Variants in TCEA1 observed in about 807,000 individuals in gnomAD.
TCEA1 encodes the protein transcription elongation factor A1.
In TCEA1, 21 loss-of-function variants were observed where a neutral mutation model predicts 43.8. That is an observed-to-expected ratio of 0.48 (90% CI 0.34 to 0.69). The LOEUF (loss-of-function observed/expected upper bound fraction) is 0.69, where lower values mean the gene tolerates loss of function less well. Ranked by LOEUF, TCEA1 falls within the 30% of genes least tolerant of loss-of-function variation. The pLI, the probability that TCEA1 is intolerant of heterozygous loss-of-function variation, is 0.01. For synonymous variants in TCEA1, 104 were observed against 117.5 expected (o/e 0.88, Z 0.75); for missense variants, 250 against 365.1 (o/e 0.68, Z 2.57).
chr8:53,968,802 G>A (rs1489904834), intron 9 of TCEA1, among the ~76,000 whole-genome samples: 1 of 152,040 alleles, frequency 6.6e-6, no homozygotes, highest in Non-Finnish European at 1.5e-5. Flanking sequence ...CAACAAAAAA[G>A]ATCCATCATG....
intron 2 of TCEA1, among the ~76,000 whole-genome samples, chr8:54,007,842 T>C (rs545808125): frequency 6.6e-6 from 1 of 152,284 alleles, no homozygotes; most frequent in South Asian, 2.1e-4. Flanking sequence ...TATATTAAGT[T>C]TCCTTTTTAA....
At chr8:53,970,556 T>C in intron 8 of TCEA1, 93 bp from the exon 9 acceptor site, 1 of 633,024 alleles carries the variant, frequency 1.6e-6, no homozygotes, top group Non-Finnish European at 2.7e-6. Flanking sequence ...ATTTAATAAA[T>C]ATAATGGTAC....
chr8:54,021,239 A>G (rs901687637), intron 1 of TCEA1, among the ~76,000 whole-genome samples: 2 of 152,202 alleles, frequency 1.3e-5, no homozygotes, highest in Non-Finnish European at 2.9e-5. Flanking sequence ...AAGGGACTGA[A>G]AGTGCCACAC....
intron 1 of TCEA1, among the ~76,000 whole-genome samples, chr8:54,014,552 C>T (rs1804761092): frequency 6.6e-6 from 1 of 152,168 alleles, no homozygotes; most frequent in Non-Finnish European, 1.5e-5. Context: ...TTTCCAGAGC[C>T]AAATTTAGTT....
At chr8:54,008,319 TCAACAACAA>T (rs34975029) in intron 2 of TCEA1, among the ~76,000 whole-genome samples, 69 of 150,624 alleles carry the variant, frequency 4.6e-4, no homozygotes, top group South Asian at 3.6e-3. Flanking sequence ...GTCAAACAAT[TCAACAACAA>T]CAACAACAAC....
At chr8:53,987,449 G>C (rs1326379814) in intron 5 of TCEA1, among the ~76,000 whole-genome samples, 2 of 152,126 alleles carry the variant, frequency 1.3e-5, no homozygotes, top group Admixed American at 1.3e-4. Context: ...ATACAAATAT[G>C]CAAGAGGATA....
Position 53,986,985 on chromosome 8 carries a change from T to C in TCEA1, c.507A>G (p.Gly169=), listed in dbSNP as rs189218697. 3 of 1,598,456 alleles carry C rather than the reference T, an allele frequency of 1.9e-6. No homozygotes were observed. In the Admixed American group the frequency reaches 5.2e-5, roughly 28 times the overall value. Residue 169 remains glycine, a synonymous_variant, in exon 6 of 10, where the codon GGA becomes GGG. Coordinates refer to ENST00000521604, the MANE Select transcript of TCEA1 (RefSeq NM_006756.4). Reference sequence around the variant, plus strand: ...AAAGGATATCTTCTTCAATTTGAGATCCTAATTCTTCCTCATCAGCTCCAA... The same window carrying C: ...AAAGGATATCTTCTTCAATTTGAGACCCTAATTCTTCCTCATCAGCTCCAA... ...IAIGADEEEL[G]SQIEEAIYQE...
chr8:54,020,464 G>A (rs752447061), intron 1 of TCEA1, among the ~76,000 whole-genome samples: 20 of 152,092 alleles, frequency 1.3e-4, no homozygotes, highest in Non-Finnish European at 2.6e-4. Flanking sequence ...AATGAAATAC[G>A]AGGCAATGCA....
chr8:54,015,773 G>C (rs1804799346), intron 1 of TCEA1, among the ~76,000 whole-genome samples: 1 of 152,088 alleles, frequency 6.6e-6, no homozygotes, highest in Non-Finnish European at 1.5e-5. Flanking sequence ...ATAATAAAAA[G>C]ACAACCCAAT....
intron 2 of TCEA1, among the ~76,000 whole-genome samples, chr8:54,001,343 T>C (rs1804252945): frequency 6.6e-6 from 1 of 152,142 alleles, no homozygotes; most frequent in African/African-American, 2.4e-5. Context: ...GTACTTGAGG[T>C]TTCCTTCTAA....
chr8:53,969,310 A>G (rs1803085337), intron 9 of TCEA1, among the ~76,000 whole-genome samples: 1 of 152,174 alleles, frequency 6.6e-6, no homozygotes, highest in African/African-American at 2.4e-5. Context: ...ATGAATAAAT[A>G]AAACAAAATA....
intron 8 of TCEA1, 114 bp from the exon 9 acceptor site, chr8:53,970,577 T>C (rs1803127571): frequency 1.7e-6 from 1 of 583,044 alleles, no homozygotes; most frequent in African/African-American, 1.9e-5. Context: ...CACAATAAAA[T>C]GAATAGAAGT....
intron 1 of TCEA1, among the ~76,000 whole-genome samples, chr8:54,014,892 T>C (rs556458898): frequency 1.1e-4 from 16 of 152,214 alleles, no homozygotes; most frequent in Non-Finnish European, 2.2e-4. Context: ...TAGGTGAGCA[T>C]AACACACCAA....
chr8:54,008,837 TTTTATTTA>T (rs1563511121), intron 2 of TCEA1, among the ~76,000 whole-genome samples: 1 of 149,856 alleles, frequency 6.7e-6, no homozygotes, highest in Non-Finnish European at 1.5e-5. Flanking sequence ...ATTATTTTAT[TTTTATTTA>T]TTTATTTATT....
intron 3 of TCEA1, among the ~76,000 whole-genome samples, chr8:53,995,294 C>CAAA (rs925755044): frequency 1.4e-4 from 8 of 57,884 alleles, no homozygotes; most frequent in Non-Finnish European, 1.9e-4. Flanking sequence ...GACTCTGTCT[C>CAAA]AAAAAAAAAA....
In TCEA1 at chr8:53,987,008, C is replaced by T; in HGVS notation, c.484G>A (p.Gly162Arg). The T allele has an allele frequency of 6.2e-7, 1 of 1,601,132 alleles. No individual in the cohort carries two copies. Among genetic ancestry groups the T allele is most frequent in the African/African-American group, 1.3e-5 (1 of 74,720 alleles). The change falls in exon 6 of 10, where the codon GGA becomes AGA. Residue 162 changes from glycine (G) to arginine (R), a missense_variant. Gly to Arg is a moderately radical substitution (Grantham distance 125). Coordinates refer to ENST00000521604, the MANE Select transcript of TCEA1 (RefSeq NM_006756.4). ...LRTGDDYIAI[G>R]ADEEELGSQI... is the part of the protein sequence containing the mutation. ...GATCCTAATTCTTCCTCATCAGCTC[C>T]AATTGCAATGTAGTCATCTAAAAAT... is the stretch of plus-strand genomic sequence containing the variant.
At position 53,988,400 on chromosome 8, in the gene TCEA1, A is replaced by C. The variant is rs1157343808; in HGVS notation, c.321-141T>G. On this transcript the variant is annotated intron_variant, in intron 4 of 9. Transcript: ENST00000521604. ...CAGTGACCTTTATGTGATGGAAAAA[A>C]AATTGCCTGCATACAGATTAAAAAG... The C allele has an allele frequency of 9.9e-6, 10 of 1,012,844 alleles. No homozygotes were observed. The Admixed American group carries it at 3.2e-4, about 32-fold the overall frequency. 62.7% of individuals were successfully genotyped at this position (1,012,844 alleles called of 1,614,324 possible). A position where few individuals can be genotyped will look rare whatever the true frequency, so the allele number is the denominator to read the frequency against.
intron 9 of TCEA1, among the ~76,000 whole-genome samples, chr8:53,968,372 TTA>T (rs989932705): frequency 2.5e-4 from 26 of 102,958 alleles, no homozygotes; most frequent in African/African-American, 2.5e-3. Flanking sequence ...GTTTTTAAGG[TTA>T]AAAAAAAAAA....
chr8:53,981,267 A>C (rs2129301330), intron 7 of TCEA1, among the ~76,000 whole-genome samples: 1 of 152,354 alleles, frequency 6.6e-6, no homozygotes, highest in South Asian at 2.1e-4. Context: ...ATTCTAAACA[A>C]AGATTTTCAA....
Sources: gnomAD v4.1 joint callset for allele counts (sites outside exome capture counted in the v4.1 genomes callset) on GRCh38, gnomAD v4.1.1 for gene constraint, MANE v1.5 for transcripts, NCBI Gene and HGNC (gene_info 2026-07-23, HGNC 2026-07-21) for gene names.